WWOX: variants seen among roughly 807,000 people sequenced by gnomAD.
The protein encoded by WWOX is WW domain containing oxidoreductase.
In WWOX, 69 loss-of-function variants were observed where a neutral mutation model predicts 46.2. The observed-to-expected ratio is 1.49, with a 90% confidence interval of 1.23 to 1.82. The LOEUF is 1.82. Among genes scored for constraint, WWOX ranks in the 40% most tolerant of loss-of-function variants. The pLI, the probability that WWOX is intolerant of heterozygous loss-of-function variation, is 0.00. For synonymous variants in WWOX, 359 were observed against 202.6 expected, an observed-to-expected ratio of 1.77 and a Z score of -6.56; for missense variants, 919 against 542.6, an observed-to-expected ratio of 1.69 and a Z score of -6.89.
At chr16:79,012,532 C>T (rs867123821) in intron 8 of WWOX, among the ~76,000 whole-genome samples, 5 of 152,088 alleles carry the variant, frequency 3.3e-5, no homozygotes, top group East Asian at 3.9e-4. Flanking sequence ...ACTGCGCAGA[C>T]GGACATATGA....
At chr16:78,961,067 C>G (rs1339606803) in intron 8 of WWOX, among the ~76,000 whole-genome samples, 1 of 152,120 alleles carries the variant, frequency 6.6e-6, no homozygotes, top group Non-Finnish European at 1.5e-5. Flanking sequence ...CCCTCAGGCC[C>G]TTGAGACTCA....
chr16:78,309,302 A>T (rs1375558107), intron 5 of WWOX, among the ~76,000 whole-genome samples: 1 of 152,176 alleles, frequency 6.6e-6, no homozygotes, highest in African/African-American at 2.4e-5. Context: ...CCGCTTTGTG[A>T]ACCTGGTGCT....
chr16:79,088,088 C>T (rs1191002485), intron 8 of WWOX, among the ~76,000 whole-genome samples: 2 of 152,124 alleles, frequency 1.3e-5, no homozygotes, highest in Non-Finnish European at 2.9e-5. Context: ...AGTGTGAGCT[C>T]ATCTGGTACT....
chr16:78,912,793 A>G (rs2045145250), intron 8 of WWOX, among the ~76,000 whole-genome samples: 1 of 152,006 alleles, frequency 6.6e-6, no homozygotes, highest in Admixed American at 6.6e-5. Flanking sequence ...TTAGCCAATA[A>G]GGGAGGCTGA....
intron 5 of WWOX, among the ~76,000 whole-genome samples, chr16:78,347,953 G>T (rs765378855): frequency 8.2e-6 from 1 of 122,140 alleles, no homozygotes; most frequent in Non-Finnish European, 2.0e-5. Context: ...ATGAAGGCTC[G>T]CCTGAAAGGC....
intron 4 of WWOX, among the ~76,000 whole-genome samples, chr16:78,159,668 T>C (rs199527503): frequency 7.6e-6 from 1 of 130,998 alleles, no homozygotes; most frequent in African/African-American, 2.9e-5. Context: ...TTTTAAAATC[T>C]GTGGTTTTTT....
rs374474127 is a variant in WWOX, at chr16:78,488,071, G to A, written c.1056+55319G>A. 3.3e-5 allele frequency among the ~76,000 whole-genome samples: 5 copies of A among 152,330 alleles called. 1 individual carries two copies. The East Asian group carries it at 9.7e-4, about 29-fold the overall frequency. On this transcript the variant is annotated intron_variant, in intron 8 of 8. Coordinates refer to ENST00000566780, the MANE Select transcript of WWOX (RefSeq NM_016373.4). ...CAGGCTGTTACTTGTTGTGGTTCCA[G>A]CCTATTTTCTGAGCTGTGGAGCAGG...
chr16:78,515,587 A>G (rs1010982315), intron 8 of WWOX, among the ~76,000 whole-genome samples: 3 of 152,200 alleles, frequency 2.0e-5, no homozygotes, highest in African/African-American at 7.2e-5. Context: ...CGGGCATCAC[A>G]TAGCTATCTC....
chr16:79,182,070 C>T (rs1029481922), intron 8 of WWOX, among the ~76,000 whole-genome samples: 4 of 141,122 alleles, frequency 2.8e-5, no homozygotes, highest in African/African-American at 6.4e-5. Flanking sequence ...CTTCCAACAT[C>T]CCCACCCTAC....
At chr16:78,308,833 A>G (rs982462688) in intron 5 of WWOX, among the ~76,000 whole-genome samples, 1 of 152,186 alleles carries the variant, frequency 6.6e-6, no homozygotes, top group African/African-American at 2.4e-5. Context: ...GTGTTTAGCT[A>G]ATAACACTTT....
At chr16:78,590,636 C>G (rs1170414610) in intron 8 of WWOX, among the ~76,000 whole-genome samples, 8 of 133,300 alleles carry the variant, frequency 6.0e-5, no homozygotes, top group South Asian at 2.9e-4. Flanking sequence ...ATGGAAATGT[C>G]TTGTAACTCA....
intron 8 of WWOX, among the ~76,000 whole-genome samples, chr16:78,548,060 C>A (rs975847730): frequency 6.8e-6 from 1 of 148,064 alleles, no homozygotes; most frequent in Non-Finnish European, 1.5e-5. Context: ...GAGGCTGAGG[C>A]AGGAGAATCA....
intron 8 of WWOX, among the ~76,000 whole-genome samples, chr16:78,508,715 G>C (rs1420727464): frequency 6.6e-6 from 1 of 152,202 alleles, no homozygotes; most frequent in Non-Finnish European, 1.5e-5. Flanking sequence ...TGGAGAAAGA[G>C]TTGGGAAGCA....
chr16:78,177,869 G>A (rs10521025), intron 5 of WWOX, among the ~76,000 whole-genome samples: 7,790 of 152,306 alleles, frequency 0.051, 288 homozygotes, highest in Non-Finnish European at 0.071. Context: ...GACGGGGACT[G>A]AACAGACTTG....
At chr16:78,745,292 T>A (rs2049322497) in intron 8 of WWOX, among the ~76,000 whole-genome samples, 1 of 152,228 alleles carries the variant, frequency 6.6e-6, no homozygotes, top group Non-Finnish European at 1.5e-5. Context: ...GAGCTGGGCA[T>A]CTTCCCCGCC....
chr16:78,917,708 G>C (rs1008457165), intron 8 of WWOX, among the ~76,000 whole-genome samples: 1 of 151,974 alleles, frequency 6.6e-6, no homozygotes, highest in South Asian at 2.1e-4. Context: ...GGCAGGGACT[G>C]TATCTCCTGT....
chr16:78,971,620 G>T (rs554949939), intron 8 of WWOX, among the ~76,000 whole-genome samples: 3 of 152,026 alleles, frequency 2.0e-5, no homozygotes, highest in East Asian at 3.9e-4. Context: ...AGGGTACTGG[G>T]TGGACCAAAT....
chr16:78,729,727 C>G lies in WWOX; in HGVS notation c.1056+296975C>G, dbSNP rs534883287. Among the ~76,000 whole-genome samples, 18 of 152,302 alleles carry G rather than the reference C, an allele frequency of 1.2e-4. No individual in the cohort carries two copies. The South Asian group carries it at 2.1e-3, about 18-fold the overall frequency. ...GCACCCAGTTTGTGGTAATTTGTTACAGCAGACATAGCAAACTAATGCAAA... is the reference window on the plus strand; with the variant it reads ...GCACCCAGTTTGTGGTAATTTGTTAGAGCAGACATAGCAAACTAATGCAAA... On this transcript the variant is annotated intron_variant, in intron 8 of 8. Coordinates refer to ENST00000566780, the MANE Select transcript of WWOX (RefSeq NM_016373.4).
chr16:78,337,637 C>T (rs1434259839), intron 5 of WWOX, among the ~76,000 whole-genome samples: 1 of 152,100 alleles, frequency 6.6e-6, no homozygotes, highest in Non-Finnish European at 1.5e-5. Flanking sequence ...CTAAAAGTCC[C>T]CTGAAAGTGT....
Sources: gnomAD v4.1 joint callset for allele counts (sites outside exome capture counted in the v4.1 genomes callset) on GRCh38, gnomAD v4.1.1 for gene constraint, MANE v1.5 for transcripts, NCBI Gene and HGNC (gene_info 2026-07-23, HGNC 2026-07-21) for gene names.